The following COL23A1 variants were observed in gnomAD, a reference collection of about 807,000 sequenced individuals.
COL23A1 encodes collagen alpha-1(XXIII) chain.
Under a neutral mutation model 99.3 loss-of-function variants are expected in COL23A1, and 97 were observed. The observed-to-expected ratio is 0.98, with a 90% CI of 0.83 to 1.16. The LOEUF is 1.16. COL23A1 is among the 50% of genes most tolerant of loss of function. The probability of loss-of-function intolerance (pLI) is 0.00; values close to 1 mark genes in which losing one functional copy is unlikely to be tolerated. For synonymous variants in COL23A1, 320 were observed against 308.2 expected (o/e 1.04, Z -0.40); for missense variants, 762 against 757.4 (o/e 1.01, Z -0.07).
Position 178,384,997 on chromosome 5 carries a change from C to T in COL23A1, c.362-78078G>A, listed in dbSNP as rs77030309. Among the ~76,000 whole-genome samples, 1,636 of 152,332 alleles carry T rather than the reference C, an allele frequency of 0.011. 24 individuals carry two copies. Among genetic ancestry groups the T allele is most frequent in the African/African-American group, 0.037 (1,530 of 41,574 alleles). ...ACACTGGGCTGCCCAGCCCACTCCA[C>T]GCCGGGGGCTCTGTCCCTAGAGCCT... On this transcript the variant is annotated intron_variant, in intron 2 of 28. Coordinates refer to ENST00000390654, the MANE Select transcript of COL23A1 (RefSeq NM_173465.4). The surrounding 1 kb of genome is among the most constrained non-coding windows in gnomAD (Gnocchi z 5.5).
At chr5:178,323,813 T>A (rs567058122) in intron 2 of COL23A1, among the ~76,000 whole-genome samples, 1 of 152,252 alleles carries the variant, frequency 6.6e-6, no homozygotes, top group Admixed American at 6.5e-5. Flanking sequence ...AGATGTCTGC[T>A]CTTCTAGTCC....
intron 2 of COL23A1, among the ~76,000 whole-genome samples, chr5:178,402,915 C>G (rs190721846): frequency 7.6e-6 from 1 of 131,098 alleles, no homozygotes; most frequent in Non-Finnish European, 1.7e-5. Context: ...TGAGCACACA[C>G]AAAAACGTGA....
rs114080407 is a variant in COL23A1, at chr5:178,334,421, G to A, written c.362-27502C>T. Among the ~76,000 whole-genome samples, 472 of 152,364 alleles carry A rather than the reference G, an allele frequency of 3.1e-3. 13 individuals are homozygous for A. The East Asian group carries it at 0.046, about 15-fold the overall frequency. The stretch of plus-strand genomic sequence containing the variant: ...GTGGGCAGGAAGGGGGCCACCGGGC[G>A]GCACCGGCCGGCACAGGCCACCCTC... On this transcript the variant is annotated intron_variant, in intron 2 of 28. Coordinates refer to ENST00000390654, the MANE Select transcript of COL23A1 (RefSeq NM_173465.4).
chr5:178,252,505 C>G, intron 17 of COL23A1, 39 bp downstream of exon 17: 1 of 1,589,254 alleles, frequency 6.3e-7, no homozygotes, highest in Non-Finnish European at 8.6e-7. Flanking sequence ...GCCCTGGAGA[C>G]AAATGCTTGG....
chr5:178,257,259 C>G (rs1205555270), intron 13 of COL23A1, among the ~76,000 whole-genome samples: 1 of 152,158 alleles, frequency 6.6e-6, no homozygotes, highest in African/African-American at 2.4e-5. Context: ...CACCCAGTTC[C>G]TGGCTTGGGG....
rs146913719 is a variant in COL23A1, at chr5:178,371,616, C to T, written c.362-64697G>A. Among the ~76,000 whole-genome samples the T allele has an allele frequency of 1.5e-4, 23 of 152,320 alleles. No homozygotes were observed. In the East Asian group the frequency reaches 3.3e-3, roughly 22 times the overall value. ...CCCCTGGGCCAAATGACCTTTGTGG[C>T]GCCCTGCCTGGCTCACAGCTCACCC... is the stretch of plus-strand genomic sequence containing the variant. On this transcript the variant is annotated intron_variant, in intron 2 of 28. Coordinates refer to ENST00000390654, the MANE Select transcript of COL23A1 (RefSeq NM_173465.4).
chr5:178,502,260 C>T (rs569820376), intron 2 of COL23A1, among the ~76,000 whole-genome samples: 48 of 152,224 alleles, frequency 3.2e-4, no homozygotes, highest in South Asian at 1.2e-3. Context: ...GCCTCCCTAG[C>T]AGCTGGGACT....
chr5:178,304,035 AG>A (rs1278546770), intron 3 of COL23A1, among the ~76,000 whole-genome samples: 1 of 152,244 alleles, frequency 6.6e-6, no homozygotes, highest in Non-Finnish European at 1.5e-5. Flanking sequence ...GAAGCCAGCC[AG>A]GGGAAGGTGG....
intron 2 of COL23A1, among the ~76,000 whole-genome samples, chr5:178,486,542 G>GA (rs35532780): frequency 0.28 from 42,828 of 151,792 alleles, 7,227 homozygotes; most frequent in East Asian, 0.57. Flanking sequence ...TGGGAGGGTT[G>GA]AAAAAAAGAA....
intron 19 of COL23A1, among the ~76,000 whole-genome samples, chr5:178,248,749 G>A (rs1360454743): frequency 2.0e-5 from 3 of 152,220 alleles, no homozygotes; most frequent in African/African-American, 7.2e-5. Flanking sequence ...AGGAAACCGA[G>A]GCCCCAGGAG....
At chr5:178,477,630 G>T (rs1189355272) in intron 2 of COL23A1, among the ~76,000 whole-genome samples, 2 of 152,148 alleles carry the variant, frequency 1.3e-5, no homozygotes, top group African/African-American at 4.8e-5. Flanking sequence ...CAAAAACCTT[G>T]AAGGACACCC....
intron 2 of COL23A1, among the ~76,000 whole-genome samples, chr5:178,311,876 A>G (rs958463850): frequency 1.3e-5 from 2 of 151,958 alleles, no homozygotes; most frequent in African/African-American, 4.8e-5. Context: ...GACCACAGGC[A>G]CGCGCCACCA....
intron 3 of COL23A1, among the ~76,000 whole-genome samples, chr5:178,299,339 GTCTAT>G (rs1183289687): frequency 6.6e-6 from 1 of 152,182 alleles, no homozygotes; most frequent in East Asian, 1.9e-4. Context: ...TTTGTTACAG[GTCTAT>G]TCAGATTTTT....
rs1479342679 is a variant in COL23A1, at chr5:178,590,090, C to T, written c.108G>A (p.Val36=). ...CGGAGAGCAGCAGGCACAGCGCGCT[C>T]ACCGCCCGGGACCCGGCCGTCGTCG... ...RSATTAGSRA[V]SALCLLLSVG... The change falls in exon 1 of 29, where the codon GTG becomes GTA. Residue 36 remains valine, a synonymous_variant. Coordinates refer to ENST00000390654, the MANE Select transcript of COL23A1 (RefSeq NM_173465.4). The surrounding 1 kb of genome is among the most constrained non-coding windows in gnomAD (Gnocchi z 5.7). The T allele has an allele frequency of 3.8e-5, 50 of 1,303,316 alleles. No homozygotes were observed. Among genetic ancestry groups the T allele is most frequent in the Non-Finnish European group, 4.9e-5 (50 of 1,022,574 alleles). 80.7% of individuals were successfully genotyped at this position (1,303,316 alleles called of 1,614,324 possible).
At chr5:178,269,221 G>A (rs1756082796) in intron 6 of COL23A1, among the ~76,000 whole-genome samples, 2 of 151,098 alleles carry the variant, frequency 1.3e-5, no homozygotes, top group South Asian at 4.2e-4. Context: ...AAAAAAAAAA[G>A]CATTCTCTTC....
Position 178,544,832 on chromosome 5 carries a change from G to A in COL23A1, c.361+15850C>T, listed in dbSNP as rs976900226. ...CCCCAGCACTTTGGGAGGCCAAAGC[G>A]GGTGGATTGGTGGAGCCCAGGAGTT... On this transcript the variant is annotated intron_variant, in intron 2 of 28. Coordinates refer to ENST00000390654, the MANE Select transcript of COL23A1 (RefSeq NM_173465.4). This position sits in a 1 kb window ranked among gnomAD's most constrained non-coding sequence, Gnocchi z 4.4. 4.6e-5 allele frequency among the ~76,000 whole-genome samples: 7 copies of A among 152,184 alleles called. No individual in the cohort carries two copies. Among genetic ancestry groups the A allele is most frequent in the Non-Finnish European group, 8.8e-5 (6 of 68,024 alleles).
intron 2 of COL23A1, among the ~76,000 whole-genome samples, chr5:178,558,695 C>T (rs1404878853): frequency 6.6e-6 from 1 of 151,828 alleles, no homozygotes; most frequent in African/African-American, 2.4e-5. Flanking sequence ...AAGAGGGGAG[C>T]GAAAAAGAAG....
chr5:178,319,508 T>C (rs1759168015), intron 2 of COL23A1, among the ~76,000 whole-genome samples: 1 of 152,138 alleles, frequency 6.6e-6, no homozygotes, highest in Admixed American at 6.5e-5. Flanking sequence ...AGGTTCTAGG[T>C]GGGCAGGTGA....
chr5:178,476,000 G>A (rs746309047), intron 2 of COL23A1, among the ~76,000 whole-genome samples: 50 of 152,104 alleles, frequency 3.3e-4, no homozygotes, highest in Non-Finnish European at 6.0e-4. Flanking sequence ...TCCCCCTTTC[G>A]GCAAACTTGA....
Sources: gnomAD v4.1 joint callset for allele counts (sites outside exome capture counted in the v4.1 genomes callset) on GRCh38, gnomAD v4.1.1 for gene constraint, Gnocchi (gnomAD v3.1) non-coding constraint, MANE v1.5 for transcripts, NCBI Gene and HGNC (gene_info 2026-07-23, HGNC 2026-07-21) for gene names.